Variants in SGCZ observed in about 807,000 individuals in gnomAD.
SGCZ encodes the protein zeta-sarcoglycan.
SGCZ carries 40 observed loss-of-function variants against 41.3 expected under a neutral mutation model. That is an observed-to-expected ratio of 0.97 (90% CI 0.75 to 1.26). SGCZ has a LOEUF of 1.26. Among genes scored for constraint, SGCZ ranks in the 50% most tolerant of loss-of-function variants. The pLI, the probability that SGCZ is intolerant of heterozygous loss-of-function variation, is 0.00. For missense variants in SGCZ, 552 were observed against 369.8 expected, an observed-to-expected ratio of 1.49 and a Z score of -4.04; for synonymous variants, 206 against 137.5, an observed-to-expected ratio of 1.50 and a Z score of -3.49.
At chr8:14,614,321 A>C (rs1196115706) in intron 1 of SGCZ, among the ~76,000 whole-genome samples, 1 of 152,168 alleles carries the variant, frequency 6.6e-6, no homozygotes, top group Non-Finnish European at 1.5e-5. Flanking sequence ...ATATAATTAC[A>C]GTAATGAATA....
At chr8:15,086,704 C>T (rs763506945) in intron 1 of SGCZ, among the ~76,000 whole-genome samples, 1 of 152,000 alleles carries the variant, frequency 6.6e-6, no homozygotes, top group African/African-American at 2.4e-5. Flanking sequence ...TACATCCTCC[C>T]AAATTTTTAC....
intron 1 of SGCZ, among the ~76,000 whole-genome samples, chr8:15,034,862 A>T (rs984407364): frequency 2.6e-5 from 4 of 152,194 alleles, no homozygotes; most frequent in Admixed American, 1.3e-4. Flanking sequence ...TGGCAAAAAT[A>T]TTCTTCAGAC....
At chr8:14,794,692 T>C (rs1314295673) in intron 1 of SGCZ, among the ~76,000 whole-genome samples, 1 of 152,132 alleles carries the variant, frequency 6.6e-6, no homozygotes, top group East Asian at 1.9e-4. Flanking sequence ...GACTGAAAAG[T>C]TCCAACGCAA....
intron 1 of SGCZ, among the ~76,000 whole-genome samples, chr8:14,734,222 T>C (rs1297494501): frequency 1.3e-5 from 2 of 152,194 alleles, no homozygotes; most frequent in Non-Finnish European, 2.9e-5. Flanking sequence ...GACAAGATTA[T>C]ATTGTGTTAT....
intron 5 of SGCZ, among the ~76,000 whole-genome samples, chr8:14,155,431 C>G (rs1244087447): frequency 6.6e-6 from 1 of 151,986 alleles, no homozygotes; most frequent in African/African-American, 2.4e-5. Context: ...ACTTTTCCCT[C>G]TATTAAAATT....
At chr8:14,799,497 G>T (rs879599135) in intron 1 of SGCZ, among the ~76,000 whole-genome samples, 5 of 151,994 alleles carry the variant, frequency 3.3e-5, no homozygotes, top group African/African-American at 4.8e-5. Flanking sequence ...GTATTAACCA[G>T]TCTAACCCTG....
At chr8:14,596,673 G>A (rs1252276141) in intron 1 of SGCZ, among the ~76,000 whole-genome samples, 5 of 152,014 alleles carry the variant, frequency 3.3e-5, no homozygotes, top group Non-Finnish European at 4.4e-5. Flanking sequence ...GGTCTCTCAC[G>A]GGGTGGGGGA....
intron 1 of SGCZ, among the ~76,000 whole-genome samples, chr8:15,066,030 C>T (rs975043608): frequency 6.6e-6 from 1 of 151,978 alleles, no homozygotes; most frequent in Non-Finnish European, 1.5e-5. Context: ...CACCTTGGGC[C>T]GGGCGCGGTG....
chr8:14,871,400 A>T (rs1296348637), intron 1 of SGCZ, among the ~76,000 whole-genome samples: 1 of 152,166 alleles, frequency 6.6e-6, no homozygotes, highest in African/African-American at 2.4e-5. Context: ...TACCCAAAGG[A>T]TCATAAATCA....
chr8:14,415,513 T>A (rs1385867340), intron 2 of SGCZ, among the ~76,000 whole-genome samples: 2 of 151,856 alleles, frequency 1.3e-5, no homozygotes, highest in Non-Finnish European at 2.9e-5. Context: ...AAGCGTTAAG[T>A]CAGAATGCTT....
intron 3 of SGCZ, among the ~76,000 whole-genome samples, chr8:14,286,258 T>C (rs563976822): frequency 6.9e-4 from 105 of 152,238 alleles, no homozygotes; most frequent in African/African-American, 2.5e-3. Context: ...CTAATCATAT[T>C]CCCATTTAAC....
At chr8:14,955,158 A>C (rs1585409910) in intron 1 of SGCZ, among the ~76,000 whole-genome samples, 1 of 152,074 alleles carries the variant, frequency 6.6e-6, no homozygotes, top group Non-Finnish European at 1.5e-5. Flanking sequence ...ATCCATATCC[A>C]GCGTAATTTA....
chr8:14,425,964 C>G (rs1039500935), intron 2 of SGCZ, among the ~76,000 whole-genome samples: 1 of 152,060 alleles, frequency 6.6e-6, no homozygotes, highest in Non-Finnish European at 1.5e-5. Context: ...ATGTATTCCA[C>G]AATTTTAAAG....
intron 1 of SGCZ, among the ~76,000 whole-genome samples, chr8:14,628,464 A>C (rs1226083358): frequency 2.6e-5 from 4 of 152,008 alleles, no homozygotes; most frequent in Admixed American, 2.0e-4. Flanking sequence ...AGATCCAAAA[A>C]CTGTTTAAAA....
chr8:14,901,497 G>A (rs1798967092), intron 1 of SGCZ, among the ~76,000 whole-genome samples: 2 of 152,072 alleles, frequency 1.3e-5, no homozygotes, highest in Admixed American at 6.6e-5. Context: ...TACTAAAAAT[G>A]TATCTGATTT....
At chr8:14,558,647 A>T (rs1449838692) in intron 1 of SGCZ, among the ~76,000 whole-genome samples, 1 of 150,996 alleles carries the variant, frequency 6.6e-6, no homozygotes, top group Non-Finnish European at 1.5e-5. Flanking sequence ...TGCCAGTATC[A>T]CCCTAATACC....
At chr8:14,886,363 A>G (rs1174192690) in intron 1 of SGCZ, among the ~76,000 whole-genome samples, 2 of 152,074 alleles carry the variant, frequency 1.3e-5, no homozygotes, top group Non-Finnish European at 2.9e-5. Flanking sequence ...ATAAAATAAC[A>G]TATGGTTTAT....
intron 1 of SGCZ, among the ~76,000 whole-genome samples, chr8:15,036,423 G>T (rs1208061912): frequency 6.6e-6 from 1 of 152,064 alleles, no homozygotes; most frequent in African/African-American, 2.4e-5. Context: ...AGTTGGAGGA[G>T]GGAGAGGATG....
intron 1 of SGCZ, among the ~76,000 whole-genome samples, chr8:15,155,060 G>C (rs555461392): frequency 6.6e-6 from 1 of 152,304 alleles, no homozygotes; most frequent in East Asian, 1.9e-4. Flanking sequence ...GGGAGGCCAA[G>C]GAAAGTGGAT....
Sources: allele counts gnomAD v4.1 joint callset (sites outside exome capture counted in the v4.1 genomes callset), GRCh38; gene constraint gnomAD v4.1.1; transcripts MANE v1.5; gene names NCBI Gene and HGNC (gene_info 2026-07-23, HGNC 2026-07-21).